The following EHHADH variants were observed in gnomAD, a reference collection of about 807,000 sequenced individuals.
EHHADH encodes enoyl-CoA hydratase and 3-hydroxyacyl CoA dehydrogenase.
A neutral mutation model predicts 64.4 loss-of-function variants in EHHADH; 48 were observed. The observed-to-expected ratio is 0.75, with a 90% CI of 0.59 to 0.95. The LOEUF (loss-of-function observed/expected upper bound fraction) is 0.95. Ranked by LOEUF, EHHADH falls within the 40% of genes least tolerant of loss-of-function variation. The pLI is 0.00. For missense variants in EHHADH, 854 were observed against 876.6 expected, an observed-to-expected ratio of 0.97 and a Z score of 0.33; for synonymous variants, 308 against 326.7, an observed-to-expected ratio of 0.94 and a Z score of 0.62.
rs1717836701 is a variant in EHHADH at position 185,190,647 on chromosome 3, T to C, written c.*1579A>G. ...AATTACTACTTTCAGGAATCATTTTTATTGATGTCTTTAATTTCACAAACC... is the reference window on the plus strand; with the variant it reads ...AATTACTACTTTCAGGAATCATTTTCATTGATGTCTTTAATTTCACAAACC... On this transcript the variant is annotated 3_prime_UTR_variant, in exon 7 of 7. Coordinates refer to ENST00000231887, the MANE Select transcript of EHHADH (RefSeq NM_001966.4). 6.6e-6 allele frequency: 1 copy of C among 152,228 alleles called. No individual in the cohort carries two copies. The highest frequency in any genetic ancestry group is 6.5e-5 in the Admixed American group (1 of 15,286). 9.4% of individuals were successfully genotyped at this position (152,228 alleles called of 1,614,324 possible).
chr3:185,192,362 A>C lies in EHHADH; in HGVS notation c.2036T>G (p.Leu679Trp), dbSNP rs1209612203. 19 of 1,614,122 alleles carry C rather than the reference A, an allele frequency of 1.2e-5. No individual in the cohort carries two copies. Among genetic ancestry groups the C allele is most frequent in the Non-Finnish European group, 1.6e-5 (19 of 1,180,020 alleles). ...AGGGTTCTGCCTGTAATATTTCTGC[A>C]ATTTCTCTAGAACTGTGGGCAACCC... ...TVGLPTVLEK[L>W]QKYYRQNPDI... Residue 679 changes from leucine to tryptophan, a missense_variant, in exon 7 of 7, where the codon TTG (leucine) becomes TGG (tryptophan). Coordinates refer to ENST00000231887, the MANE Select transcript of EHHADH (RefSeq NM_001966.4).
intron 5 of EHHADH, among the ~76,000 whole-genome samples, chr3:185,213,101 A>G: frequency 7.8e-6 from 1 of 128,340 alleles, no homozygotes; most frequent in South Asian, 2.9e-4. Context: ...GCCTGGGTGA[A>G]GAAGCAAGAC....
At chr3:185,194,800 C>CAAAGAAAAAAAA (rs1718013153) in intron 6 of EHHADH, among the ~76,000 whole-genome samples, 1 of 29,302 alleles carries the variant, frequency 3.4e-5, no homozygotes, top group Non-Finnish European at 6.3e-5. Context: ...GACCCTGTCT[C>CAAAGAAAAAAAA]AAAAAAAAAA....
At chr3:185,194,764 G>C (rs1297303318) in intron 6 of EHHADH, among the ~76,000 whole-genome samples, 1 of 112,580 alleles carries the variant, frequency 8.9e-6, no homozygotes, top group Non-Finnish European at 1.7e-5. Flanking sequence ...TCACACTACT[G>C]CACTCCAGCC....
chr3:185,249,897 G>A (rs1405027917), intron 1 of EHHADH, among the ~76,000 whole-genome samples: 1 of 152,130 alleles, frequency 6.6e-6, no homozygotes, highest in Non-Finnish European at 1.5e-5. Flanking sequence ...TGCAACTTTG[G>A]GGAAGAGTTC....
chr3:185,242,873 G>A (rs2108650413), intron 2 of EHHADH, among the ~76,000 whole-genome samples: 1 of 152,296 alleles, frequency 6.6e-6, no homozygotes, highest in South Asian at 2.1e-4. Flanking sequence ...CCGAGTTCTG[G>A]CCAGGAGGCT....
At chr3:185,197,374 C>G (rs1718092839) in intron 6 of EHHADH, among the ~76,000 whole-genome samples, 2 of 152,184 alleles carry the variant, frequency 1.3e-5, no homozygotes, top group Non-Finnish European at 2.9e-5. Flanking sequence ...TAAATGCATT[C>G]ACAAGGTGTG....
In EHHADH at chr3:185,240,758, C is replaced by T. The variant is rs142473203; in HGVS notation, c.179-5296G>A. Among the ~76,000 whole-genome samples, 16 of 151,972 alleles carry T rather than the reference C, an allele frequency of 1.1e-4. No individual in the cohort carries two copies. In the East Asian group the frequency reaches 2.1e-3, roughly 20 times the overall value. On this transcript the variant is annotated intron_variant, in intron 2 of 6. Coordinates refer to ENST00000231887, the MANE Select transcript of EHHADH (RefSeq NM_001966.4). ...CTTTGTATCTTCTTATACTATATTA[C>T]GAACTTATATTTGTAATATTTTCAT...
intron 5 of EHHADH, among the ~76,000 whole-genome samples, chr3:185,213,431 G>T (rs536922664): frequency 9.9e-5 from 15 of 152,256 alleles, no homozygotes; most frequent in African/African-American, 3.4e-4. Flanking sequence ...CATGGCTCTA[G>T]ATCAAGACAA....
intron 5 of EHHADH, among the ~76,000 whole-genome samples, chr3:185,212,216 T>G (rs1215248359): frequency 6.6e-6 from 1 of 152,230 alleles, no homozygotes; most frequent in African/African-American, 2.4e-5. Flanking sequence ...GATGCTCCCC[T>G]CCCTAGTTTA....
chr3:185,195,211 C>T (rs1043561562), intron 6 of EHHADH, among the ~76,000 whole-genome samples: 2 of 152,100 alleles, frequency 1.3e-5, no homozygotes, highest in Admixed American at 1.3e-4. Context: ...AGACATGACA[C>T]CCAAAGCACA....
chr3:185,254,033 T>A lies in EHHADH; in HGVS notation c.-11A>T, dbSNP rs1219600657. The A allele has an allele frequency of 6.2e-7, 1 of 1,612,762 alleles. No homozygotes were observed. Among genetic ancestry groups the A allele is most frequent in the Non-Finnish European group, 8.5e-7 (1 of 1,179,164 alleles). On this transcript the variant is annotated 5_prime_UTR_variant, in exon 1 of 7. Transcript: ENST00000231887. ...CGTATACTCGGCCATGTTTCCTCTA[T>A]CACCGAGGGCACCTCTGCCTCTCGC... is the stretch of plus-strand genomic sequence containing the variant.
chr3:185,226,696 G>A (rs1718987569), intron 4 of EHHADH: 1 of 150,448 alleles, frequency 6.6e-6, no homozygotes, highest in Non-Finnish European at 1.5e-5. Context: ...AGATCCTCCA[G>A]ATGACTACAG....
At chr3:185,204,081 C>T (rs982110998) in intron 6 of EHHADH, among the ~76,000 whole-genome samples, 1 of 141,792 alleles carries the variant, frequency 7.1e-6, no homozygotes, top group South Asian at 2.2e-4. Context: ...TGCAGTGAAC[C>T]GAGATTGAGC....
At chr3:185,193,777 A>G (rs1002909407) in intron 6 of EHHADH, among the ~76,000 whole-genome samples, 12 of 152,222 alleles carry the variant, frequency 7.9e-5, no homozygotes, top group African/African-American at 2.9e-4. Flanking sequence ...ATTTCTATAT[A>G]TTAGAAATAA....
At chr3:185,233,292 T>C (rs1159539517) in intron 3 of EHHADH, among the ~76,000 whole-genome samples, 2 of 152,174 alleles carry the variant, frequency 1.3e-5, no homozygotes, top group African/African-American at 4.8e-5. Flanking sequence ...CTGAACTACA[T>C]TGTCATAAAT....
At chr3:185,206,819 C>T (rs1718406837) in intron 5 of EHHADH, among the ~76,000 whole-genome samples, 1 of 150,698 alleles carries the variant, frequency 6.6e-6, no homozygotes, top group African/African-American at 2.4e-5. Context: ...CAGAGCGAGA[C>T]TCTGTCTCCA....
intron 2 of EHHADH, among the ~76,000 whole-genome samples, chr3:185,239,295 G>A (rs1320761667): frequency 2.6e-5 from 4 of 151,894 alleles, no homozygotes; most frequent in African/African-American, 9.7e-5. Context: ...TTAATTTTAG[G>A]ATTGTTTTTT....
chr3:185,251,682 G>A (rs1002378200), intron 1 of EHHADH, among the ~76,000 whole-genome samples: 1 of 151,522 alleles, frequency 6.6e-6, no homozygotes, highest in African/African-American at 2.4e-5. Flanking sequence ...AGGAGGAGAC[G>A]ACTTCCCATA....
Sources: gnomAD v4.1 joint callset for allele counts (sites outside exome capture counted in the v4.1 genomes callset) on GRCh38, gnomAD v4.1.1 for gene constraint, MANE v1.5 for transcripts, NCBI Gene and HGNC (gene_info 2026-07-23, HGNC 2026-07-21) for gene names.